Variants in CPA6 observed in about 807,000 individuals in gnomAD.
CPA6 encodes carboxypeptidase B.
In CPA6, 58 loss-of-function variants were observed where a neutral mutation model predicts 63.3. The observed-to-expected ratio is 0.92, with a 90% CI of 0.74 to 1.14. The LOEUF (loss-of-function observed/expected upper bound fraction) is 1.14. CPA6 is among the 50% of genes most tolerant of loss of function. CPA6 has a pLI of 0.00. For synonymous variants in CPA6, 185 were observed against 179.0 expected (o/e 1.03, Z -0.27); for missense variants, 565 against 526.6 (o/e 1.07, Z -0.71).
intron 2 of CPA6, among the ~76,000 whole-genome samples, chr8:67,614,330 G>A (rs1038450434): frequency 5.1e-4 from 77 of 152,328 alleles, no homozygotes; most frequent in African/African-American, 1.8e-3. Context: ...GGGGATCAGG[G>A]AACTCTCCCT....
chr8:67,545,470 G>A (rs1379387751), intron 2 of CPA6, among the ~76,000 whole-genome samples: 1 of 150,550 alleles, frequency 6.6e-6, no homozygotes, highest in Non-Finnish European at 1.5e-5. Context: ...CACCTTGAAT[G>A]TTTTCTTCCT....
intron 8 of CPA6, among the ~76,000 whole-genome samples, chr8:67,443,080 T>C (rs938801761): frequency 4.7e-5 from 7 of 147,498 alleles, no homozygotes; most frequent in Non-Finnish European, 8.9e-5. Context: ...TTTTTTTTTT[T>C]GAGACAGAGT....
chr8:67,669,445 G>A (rs1048620221), intron 1 of CPA6, among the ~76,000 whole-genome samples: 7 of 152,246 alleles, frequency 4.6e-5, no homozygotes, highest in African/African-American at 1.4e-4. Flanking sequence ...CAGACGGGGA[G>A]TCTTTCTATA....
chr8:67,547,815 A>G (rs1200268000), intron 2 of CPA6, among the ~76,000 whole-genome samples: 1 of 152,220 alleles, frequency 6.6e-6, no homozygotes, highest in Non-Finnish European at 1.5e-5. Context: ...AGTCTTATAC[A>G]TGGTCTTTAA....
In CPA6 at chr8:67,422,592, A is replaced by G. The variant is rs1301625921; in HGVS notation, c.1226T>C (p.Leu409Pro). 5 of 1,614,126 alleles carry G rather than the reference A, an allele frequency of 3.1e-6. No homozygotes were observed. The East Asian group carries it at 6.7e-5, about 22-fold the overall frequency. ...LRDTGYFGFLLPEMLIKPTCT... is the reference protein window; with the variant it reads ...LRDTGYFGFLPPEMLIKPTCT... ...GGTGGGTTTGATGAGCATCTCTGGG[A>G]GTAAAAATCCAAAATATCCAGTGTC... Residue 409 changes from leucine to proline, a missense_variant, in exon 11 of 11, where the codon CTC becomes CCC. Physicochemically the swap from Leu to Pro is moderately conservative, Grantham distance 98 (BLOSUM62 -3). Coordinates refer to ENST00000297770, the MANE Select transcript of CPA6 (RefSeq NM_020361.5).
At chr8:67,574,072 C>T (rs976114941) in intron 2 of CPA6, among the ~76,000 whole-genome samples, 9 of 151,846 alleles carry the variant, frequency 5.9e-5, no homozygotes, top group Admixed American at 2.0e-4. Context: ...TGTCACTTTT[C>T]GTAGCTGTAG....
At chr8:67,677,727 T>C (rs1052576561) in intron 1 of CPA6, among the ~76,000 whole-genome samples, 2 of 152,112 alleles carry the variant, frequency 1.3e-5, no homozygotes, top group African/African-American at 4.8e-5. Flanking sequence ...AATAATCAAA[T>C]CTTTCAAATA....
At chr8:67,519,413 T>A (rs1274490035) in intron 2 of CPA6, among the ~76,000 whole-genome samples, 7 of 152,214 alleles carry the variant, frequency 4.6e-5, no homozygotes, top group Non-Finnish European at 8.8e-5. Flanking sequence ...GGCCTTGATC[T>A]CTGCTAAGCC....
chr8:67,667,159 A>G (rs1413817264), intron 1 of CPA6, among the ~76,000 whole-genome samples: 5 of 152,200 alleles, frequency 3.3e-5, no homozygotes, highest in Non-Finnish European at 1.5e-5. Context: ...GTGGACTCCC[A>G]TTGCTGCTTT....
chr8:67,640,230 C>G (rs1815559475), intron 1 of CPA6, among the ~76,000 whole-genome samples: 1 of 151,222 alleles, frequency 6.6e-6, no homozygotes, highest in African/African-American at 2.5e-5. Flanking sequence ...GGACCTGCCC[C>G]CTTCTGCCCA....
At chr8:67,546,015 T>A (rs55940462) in intron 2 of CPA6, among the ~76,000 whole-genome samples, 7,005 of 152,166 alleles carry the variant, frequency 0.046, 523 homozygotes, top group African/African-American at 0.16. Flanking sequence ...GACAGACTCA[T>A]CCCCCTCTGC....
intron 10 of CPA6, among the ~76,000 whole-genome samples, chr8:67,425,860 C>T (rs75013916): frequency 1.1e-4 from 17 of 151,686 alleles, no homozygotes; most frequent in Admixed American, 7.2e-4. Flanking sequence ...AGTTACATCA[C>T]GGTGATGTGA....
rs143082951 is a variant in CPA6 at position 67,541,604 on chromosome 8, C to G, written c.193-23557G>C. Among the ~76,000 whole-genome samples, 156 of 152,260 alleles carry G rather than the reference C, an allele frequency of 1.0e-3. 1 individual carries two copies. The highest frequency in any genetic ancestry group is 3.5e-3 in the African/African-American group (146 of 41,542). ...TTAGAAGGGACAGGAATTGCTCACT[C>G]AGGGAGCTCGGTTGTTGGAGATGTG... On this transcript the variant is annotated intron_variant, in intron 2 of 10. Transcript: ENST00000297770.
intron 2 of CPA6, among the ~76,000 whole-genome samples, chr8:67,621,335 G>A (rs1025344358): frequency 6.6e-6 from 1 of 152,136 alleles, no homozygotes; most frequent in East Asian, 1.9e-4. Flanking sequence ...CCCATTGAAT[G>A]GGGGCATGGT....
intron 8 of CPA6, among the ~76,000 whole-genome samples, chr8:67,449,609 G>T (rs191595088): frequency 6.6e-6 from 1 of 152,144 alleles, no homozygotes; most frequent in Admixed American, 6.6e-5. Flanking sequence ...GTTTTATGCC[G>T]TTCCATTTGT....
chr8:67,584,803 A>T (rs1177929884), intron 2 of CPA6, among the ~76,000 whole-genome samples: 1 of 152,146 alleles, frequency 6.6e-6, no homozygotes, highest in Non-Finnish European at 1.5e-5. Flanking sequence ...AGGATCTAGA[A>T]TAAACATTTG....
At chr8:67,475,862 TCTTTCTTTCTTTCTTTCTC>T (rs1811196571) in intron 8 of CPA6, among the ~76,000 whole-genome samples, 4 of 100,172 alleles carry the variant, frequency 4.0e-5, no homozygotes, top group African/African-American at 1.3e-4. Flanking sequence ...TTTCTTTCTT[TCTTTCTTTCTTTCTTTCTC>T]CTTTCTTTCT....
chr8:67,515,661 A>T (rs1812129118), intron 3 of CPA6, among the ~76,000 whole-genome samples: 1 of 151,944 alleles, frequency 6.6e-6, no homozygotes, highest in Non-Finnish European at 1.5e-5. Context: ...CCAGAAGTAC[A>T]TTTTCTCCCA....
intron 1 of CPA6, among the ~76,000 whole-genome samples, chr8:67,680,175 G>C (rs1816562283): frequency 1.3e-5 from 2 of 152,276 alleles, no homozygotes; most frequent in Middle Eastern, 6.8e-3. Context: ...CATTTATTGA[G>C]TGCTTACTAC....
Sources: allele counts gnomAD v4.1 joint callset (sites outside exome capture counted in the v4.1 genomes callset), GRCh38; gene constraint gnomAD v4.1.1; transcripts MANE v1.5; gene names NCBI Gene and HGNC (gene_info 2026-07-23, HGNC 2026-07-21).